UST: variants seen among roughly 807,000 people sequenced by gnomAD.
UST encodes chondroitin sulfate 2-O-sulfotransferase.
In UST, 21 loss-of-function variants were observed where a neutral mutation model predicts 45.6. The ratio of observed to expected loss-of-function variants is 0.46; its 90% CI spans 0.33 to 0.66. The LOEUF is 0.66. Ranked by LOEUF, UST falls within the 30% of genes least tolerant of loss-of-function variation. The probability of loss-of-function intolerance (pLI) is 0.02; values close to 1 mark genes in which losing one functional copy is unlikely to be tolerated. For missense variants in UST, 463 were observed against 512.4 expected (o/e 0.90, Z 0.93); for synonymous variants, 215 against 200.6 (o/e 1.07, Z -0.61).
chr6:148,904,996 C>T (rs1779328650), intron 2 of UST, among the ~76,000 whole-genome samples: 1 of 152,242 alleles, frequency 6.6e-6, no homozygotes, highest in Admixed American at 6.5e-5. Context: ...AGTCCCGGCT[C>T]CTACTCCTCC....
At chr6:148,828,005 T>C (rs1407590456) in intron 1 of UST, among the ~76,000 whole-genome samples, 1 of 151,956 alleles carries the variant, frequency 6.6e-6, no homozygotes, top group Non-Finnish European at 1.5e-5. Context: ...TTCATAGAGG[T>C]TGTCAAATGT....
intron 1 of UST, among the ~76,000 whole-genome samples, chr6:148,837,204 A>G (rs558042718): frequency 1.3e-5 from 2 of 152,308 alleles, no homozygotes; most frequent in African/African-American, 4.8e-5. Flanking sequence ...ACCATTGAAG[A>G]CAGGTAATTC....
chr6:148,761,518 C>A (rs1477710252), intron 1 of UST, among the ~76,000 whole-genome samples: 3 of 118,814 alleles, frequency 2.5e-5, no homozygotes, highest in Admixed American at 7.7e-5. Flanking sequence ...CATCCGACAA[C>A]GTGCCAAAAA....
chr6:149,036,444 C>A (rs1274064978), intron 7 of UST, among the ~76,000 whole-genome samples: 1 of 152,184 alleles, frequency 6.6e-6, no homozygotes, highest in Non-Finnish European at 1.5e-5. Context: ...AGCATTTTAT[C>A]CATCTTTTAA....
intron 2 of UST, among the ~76,000 whole-genome samples, chr6:148,924,101 C>A (rs184275646): frequency 3.8e-4 from 58 of 152,284 alleles, no homozygotes; most frequent in Non-Finnish European, 7.1e-4. Context: ...GGACTTGACA[C>A]AGGTATTATT....
At position 148,987,965 on chromosome 6, in the gene UST, G is replaced by T. The variant is rs142148907; in HGVS notation, c.681+23402G>T. Among the ~76,000 whole-genome samples, 3 of 152,220 alleles carry T rather than the reference G, an allele frequency of 2.0e-5. No homozygotes were observed. In the East Asian group the frequency reaches 5.8e-4, roughly 30 times the overall value. ...ATATGGACTATGCTCTCGAGGAATT[G>T]TCTAAGGAGAGAGGCACACACAGCT... On this transcript the variant is annotated intron_variant, in intron 5 of 7. Transcript: ENST00000367463.
At chr6:149,068,833 C>T (rs1214905646) in intron 7 of UST, among the ~76,000 whole-genome samples, 1 of 152,122 alleles carries the variant, frequency 6.6e-6, no homozygotes, top group South Asian at 2.1e-4. Flanking sequence ...AGCATGAGAA[C>T]TTACATCTTC....
intron 1 of UST, among the ~76,000 whole-genome samples, chr6:148,804,285 A>G (rs1264038076): frequency 3.3e-5 from 5 of 152,160 alleles, no homozygotes; most frequent in Admixed American, 1.3e-4. Flanking sequence ...GGGAGTTTAC[A>G]GCTGATTGTG....
intron 5 of UST, among the ~76,000 whole-genome samples, chr6:148,976,291 G>A (rs992450650): frequency 2.6e-5 from 4 of 152,156 alleles, no homozygotes; most frequent in Non-Finnish European, 5.9e-5. Context: ...GGGTTGTTTT[G>A]TAACTTTGCC....
In UST at chr6:148,940,510, A is replaced by G. The variant is rs138701241; in HGVS notation, c.292-769A>G. On this transcript the variant is annotated intron_variant, in intron 2 of 7. Transcript: ENST00000367463. Reference sequence around the variant, plus strand: ...CCTGTCTAAAAAAATAAAAAAATACATATATATCAATAACAAGTGTTGGCA... The same window carrying G: ...CCTGTCTAAAAAAATAAAAAAATACGTATATATCAATAACAAGTGTTGGCA... Among the ~76,000 whole-genome samples, 952 of 152,224 alleles carry G rather than the reference A, an allele frequency of 6.3e-3. 7 individuals carry two copies. The highest frequency in any genetic ancestry group is 0.024 in the Middle Eastern group (7 of 294).
At chr6:149,049,962 C>CACACACACACAG (rs574284527) in intron 7 of UST, among the ~76,000 whole-genome samples, 54 of 147,090 alleles carry the variant, frequency 3.7e-4, no homozygotes, top group African/African-American at 7.3e-4. Context: ...CACACACACA[C>CACACACACACAG]ACACGTGGCC....
At position 148,879,952 on chromosome 6, in the gene UST, C is replaced by CTTTTTTTTTTCTT. The variant is rs1582874251; in HGVS notation, c.248-7024_248-7023insCTTTTTTTTTTTT. On this transcript the variant is annotated intron_variant, in intron 1 of 7. Coordinates refer to ENST00000367463, the MANE Select transcript of UST (RefSeq NM_005715.3). The stretch of plus-strand genomic sequence containing the variant: ...GACTTTTCTTTTTTCTTTTTTTTTT[C>CTTTTTTTTTTCTT]TTTTTTTTTTTTTTTGACAAGGTCT... Among the ~76,000 whole-genome samples the CTTTTTTTTTTCTT allele has an allele frequency of 5.0e-3, 596 of 119,808 alleles. 5 individuals are homozygous for CTTTTTTTTTTCTT. The highest frequency in any genetic ancestry group is 0.016 in the African/African-American group (538 of 32,628). 78.6% of individuals were successfully genotyped at this position (119,808 alleles called of 152,430 possible).
intron 7 of UST, among the ~76,000 whole-genome samples, chr6:149,043,367 T>C (rs1776354970): frequency 6.6e-6 from 1 of 152,190 alleles, no homozygotes; most frequent in African/African-American, 2.4e-5. Context: ...CACCTTGACC[T>C]CCCAAAGTGT....
rs765366621 is a variant in UST, at chr6:149,074,148, C to T, written c.*32C>T. 3.5e-5 allele frequency: 56 copies of T among 1,597,378 alleles called. No homozygotes were observed. Among genetic ancestry groups the T allele is most frequent in the Middle Eastern group, 3.3e-4 (2 of 5,992 alleles). On this transcript the variant is annotated 3_prime_UTR_variant, in exon 8 of 8. Coordinates refer to ENST00000367463, the MANE Select transcript of UST (RefSeq NM_005715.3). ...TGTGTTGCCTCTATGGCTTTATCTC[C>T]CTTTTCCAGAAAGTTCTTTGTTTGG...
intron 3 of UST, among the ~76,000 whole-genome samples, chr6:148,951,304 A>G (rs1314682896): frequency 1.3e-5 from 2 of 152,206 alleles, no homozygotes; most frequent in Non-Finnish European, 2.9e-5. Flanking sequence ...AGGCTGGATA[A>G]AGAGTAAAGA....
chr6:148,766,209 G>A (rs1776322103), intron 1 of UST, among the ~76,000 whole-genome samples: 2 of 151,996 alleles, frequency 1.3e-5, no homozygotes, highest in Non-Finnish European at 1.5e-5. Context: ...TTTTTTCCCT[G>A]TCACCTTGTC....
intron 1 of UST, among the ~76,000 whole-genome samples, chr6:148,827,239 A>G (rs1241248583): frequency 6.6e-6 from 1 of 152,220 alleles, no homozygotes; most frequent in Non-Finnish European, 1.5e-5. Context: ...ATTTAATTCT[A>G]CTTTTTAGAG....
chr6:148,808,079 G>T (rs1432298532), intron 1 of UST, among the ~76,000 whole-genome samples: 2 of 152,138 alleles, frequency 1.3e-5, no homozygotes, highest in African/African-American at 4.8e-5. Context: ...CAGTGGTATG[G>T]CTAAGACATC....
intron 5 of UST, among the ~76,000 whole-genome samples, chr6:149,014,229 G>A (rs1208084083): frequency 1.3e-5 from 2 of 152,178 alleles, no homozygotes; most frequent in Non-Finnish European, 2.9e-5. Flanking sequence ...AGCAAGTGCC[G>A]ATACACAGAG....
Sources: allele counts gnomAD v4.1 joint callset (sites outside exome capture counted in the v4.1 genomes callset), GRCh38; gene constraint gnomAD v4.1.1; transcripts MANE v1.5; gene names NCBI Gene and HGNC (gene_info 2026-07-23, HGNC 2026-07-21).